Variants in COG5 observed in about 807,000 individuals in gnomAD.
COG5 encodes component of oligomeric golgi complex 5.
A neutral mutation model predicts 110.4 loss-of-function variants in COG5; 86 were observed. The ratio of observed to expected loss-of-function variants is 0.78; its 90% CI spans 0.65 to 0.93. COG5 has a LOEUF of 0.93. Ranked by LOEUF, COG5 falls within the 40% of genes least tolerant of loss-of-function variation. COG5 has a pLI of 0.00. For synonymous variants in COG5, 360 were observed against 334.6 expected (o/e 1.08, Z -0.83); for missense variants, 1,077 against 987.0 (o/e 1.09, Z -1.22).
At chr7:107,511,291 C>G (rs1025616230) in intron 6 of COG5, among the ~76,000 whole-genome samples, 2 of 152,200 alleles carry the variant, frequency 1.3e-5, no homozygotes, top group African/African-American at 4.8e-5. Flanking sequence ...ACTAGACAAT[C>G]TAGAAGAAAT....
intron 6 of COG5, among the ~76,000 whole-genome samples, chr7:107,497,511 T>C (rs2520246): frequency 0.13 from 19,109 of 152,032 alleles, 1,570 homozygotes; most frequent in East Asian, 0.33. Flanking sequence ...ACAATCTATA[T>C]GAAAAAGATA....
At chr7:107,429,412 T>C (rs1484038422) in intron 6 of COG5, among the ~76,000 whole-genome samples, 1 of 152,084 alleles carries the variant, frequency 6.6e-6, no homozygotes, top group African/African-American at 2.4e-5. Flanking sequence ...TCATTGGCCA[T>C]TTGCACATCT....
intron 18 of COG5, among the ~76,000 whole-genome samples, chr7:107,231,439 A>T (rs181060623): frequency 6.6e-5 from 10 of 152,328 alleles, no homozygotes; most frequent in Admixed American, 5.2e-4. Context: ...TTTGACTGGA[A>T]ATTCTACTTG....
At position 107,203,486 on chromosome 7, in the gene COG5, A is replaced by G. The variant is rs1182762121; in HGVS notation, c.*30T>C. ...CTGCCAACTATGAATGGGTTAGCAC[A>G]AAGTGGAGATGAACAAAGATTTCAT... On this transcript the variant is annotated 3_prime_UTR_variant, in exon 22 of 22. Transcript: ENST00000297135. 6.7e-7 allele frequency: 1 copy of G among 1,482,254 alleles called. No individual in the cohort carries two copies. The highest frequency in any genetic ancestry group is 9.4e-7 in the Non-Finnish European group (1 of 1,059,854). 91.8% of individuals were successfully genotyped at this position (1,482,254 alleles called of 1,614,324 possible).
At chr7:107,446,300 G>A (rs1378811610) in intron 6 of COG5, among the ~76,000 whole-genome samples, 2 of 152,152 alleles carry the variant, frequency 1.3e-5, no homozygotes, top group African/African-American at 2.4e-5. Flanking sequence ...TTTCAATTTT[G>A]AATGAATAAC....
chr7:107,352,683 T>C (rs995533890), intron 10 of COG5, among the ~76,000 whole-genome samples: 8 of 120,998 alleles, frequency 6.6e-5, no homozygotes, highest in Non-Finnish European at 1.1e-4. Context: ...TTCAAATCAT[T>C]TGATATGTCT....
At position 107,481,835 on chromosome 7, in the gene COG5, T is replaced by G. The variant is rs987233062; in HGVS notation, c.538+45402A>C. 5.9e-5 allele frequency among the ~76,000 whole-genome samples: 9 copies of G among 152,268 alleles called. 1 individual carries two copies. The East Asian group carries it at 1.7e-3, about 29-fold the overall frequency. The stretch of plus-strand genomic sequence containing the variant: ...ACTGTCTTAAATGCACACAATACAA[T>G]AACAGTTGGTAATACTAATGTACTT... On this transcript the variant is annotated intron_variant, in intron 6 of 21. Transcript: ENST00000297135.
At chr7:107,303,417 T>G (rs1166087412) in intron 11 of COG5, among the ~76,000 whole-genome samples, 1 of 151,988 alleles carries the variant, frequency 6.6e-6, no homozygotes, top group East Asian at 1.9e-4. Context: ...TGACACTAAG[T>G]TTTTTTGTTT....
In COG5 at chr7:107,262,609, G is replaced by C. The variant is rs536374149; in HGVS notation, c.1576-4226C>G. ...AATCTATGATCACTAAACCAAGGTG[G>C]GTTCTTGGCGTTGCCTGTCAATACT... On this transcript the variant is annotated intron_variant, in intron 14 of 21. Coordinates refer to ENST00000297135, the MANE Select transcript of COG5 (RefSeq NM_006348.5). Among the ~76,000 whole-genome samples, 76 of 152,234 alleles carry C rather than the reference G, an allele frequency of 5.0e-4. 1 individual carries two copies. Among genetic ancestry groups the C allele is most frequent in the Admixed American group, 1.2e-3 (19 of 15,282 alleles).
At chr7:107,206,972 A>T (rs887153989) in intron 21 of COG5, among the ~76,000 whole-genome samples, 12 of 150,778 alleles carry the variant, frequency 8.0e-5, no homozygotes, top group Non-Finnish European at 1.5e-4. Flanking sequence ...TAGATTATTG[A>T]GGTTATCCTT....
chr7:107,366,274 C>T (rs1193085040), intron 8 of COG5, among the ~76,000 whole-genome samples: 3 of 152,012 alleles, frequency 2.0e-5, no homozygotes, highest in Admixed American at 1.3e-4. Flanking sequence ...TGCAAAGATA[C>T]TGGAAGCAAA....
chr7:107,347,657 C>T (rs1490862381), intron 10 of COG5, among the ~76,000 whole-genome samples: 1 of 152,156 alleles, frequency 6.6e-6, no homozygotes, highest in East Asian at 1.9e-4. Context: ...GATCACTACA[C>T]ATTATATGTA....
At position 107,395,569 on chromosome 7, in the gene COG5, T is replaced by TTTG. The variant is rs1790933223; in HGVS notation, c.669+16930_669+16932dup. On this transcript the variant is annotated intron_variant, in intron 7 of 21. Coordinates refer to ENST00000297135, the MANE Select transcript of COG5 (RefSeq NM_006348.5). ...TTTTTTTTTTTTTTTTTTTTTTTTT[T>TTTG]TTGAGAAGGAATTTTACTCTTGTTG... is the stretch of plus-strand genomic sequence containing the variant. Among the ~76,000 whole-genome samples the TTTG allele has an allele frequency of 2.1e-5, 3 of 145,576 alleles. No individual in the cohort carries two copies. In the South Asian group the frequency reaches 6.7e-4, roughly 32 times the overall value.
intron 10 of COG5, among the ~76,000 whole-genome samples, chr7:107,342,535 G>T (rs1047405604): frequency 6.6e-6 from 1 of 151,908 alleles, no homozygotes; most frequent in Non-Finnish European, 1.5e-5. Context: ...AAAATTAGCT[G>T]GGCATGGTGG....
chr7:107,500,308 G>C (rs1194306018), intron 6 of COG5, among the ~76,000 whole-genome samples: 1 of 152,168 alleles, frequency 6.6e-6, no homozygotes, highest in Non-Finnish European at 1.5e-5. Flanking sequence ...GGATAAACTT[G>C]AGAAGTGAAC....
intron 6 of COG5, among the ~76,000 whole-genome samples, chr7:107,415,049 T>TC (rs2129068803): frequency 6.6e-6 from 1 of 152,132 alleles, no homozygotes; most frequent in South Asian, 2.1e-4. Context: ...TTTACTAGCC[T>TC]CCTCCTTTGT....
intron 5 of COG5, among the ~76,000 whole-genome samples, chr7:107,547,742 T>C (rs1584954903): frequency 6.6e-6 from 1 of 151,100 alleles, no homozygotes; most frequent in East Asian, 2.0e-4. Flanking sequence ...CAATGAACTA[T>C]CCAAAGAAAT....
chr7:107,427,728 T>TTAC (rs1457939014), intron 6 of COG5, among the ~76,000 whole-genome samples: 3 of 152,086 alleles, frequency 2.0e-5, no homozygotes, highest in African/African-American at 7.2e-5. Context: ...GCTCAGCCTG[T>TTAC]GGCTGGGCTG....
Position 107,462,731 on chromosome 7 carries a change from G to A in COG5, c.539-50099C>T, listed in dbSNP as rs192575192. ...TCCCAAAAACCAGGACACAATGATTGCCCAGACTATTATAGTGGATTTATT... is the reference window on the plus strand; with the variant it reads ...TCCCAAAAACCAGGACACAATGATTACCCAGACTATTATAGTGGATTTATT... On this transcript the variant is annotated intron_variant, in intron 6 of 21. Transcript: ENST00000297135. 6.4e-4 allele frequency among the ~76,000 whole-genome samples: 97 copies of A among 151,986 alleles called. 1 individual carries two copies. In the East Asian group the frequency reaches 0.015, roughly 23 times the overall value.
Sources: allele counts gnomAD v4.1 joint callset (sites outside exome capture counted in the v4.1 genomes callset), GRCh38; gene constraint gnomAD v4.1.1; transcripts MANE v1.5; gene names NCBI Gene and HGNC (gene_info 2026-07-23, HGNC 2026-07-21).